The following CYRIA variants were observed in gnomAD, a reference collection of about 807,000 sequenced individuals.
The protein encoded by CYRIA is CYFIP related Rac1 interactor A.
In CYRIA, 15 loss-of-function variants were observed where a neutral mutation model predicts 43.9. The ratio of observed to expected loss-of-function variants is 0.34; its 90% CI spans 0.23 to 0.53. The LOEUF (loss-of-function observed/expected upper bound fraction) is 0.53. CYRIA is among the 20% of genes least tolerant of loss of function. The pLI, the probability that CYRIA is intolerant of heterozygous loss-of-function variation, is 0.94. For synonymous variants in CYRIA, 117 were observed against 136.0 expected (o/e 0.86, Z 0.97); for missense variants, 236 against 394.2 (o/e 0.60, Z 3.40).
intron 1 of CYRIA, among the ~76,000 whole-genome samples, chr2:16,655,743 A>G (rs986621231): frequency 4.6e-5 from 7 of 151,254 alleles, no homozygotes; most frequent in Admixed American, 4.6e-4. Flanking sequence ...TCCCCAACTG[A>G]CTATTACATA....
Position 16,650,612 on chromosome 2 carries a change from C to T in CYRIA, c.-167+15168G>A, listed in dbSNP as rs531507367. ...CTCCACAAAGCAACCCTAAACATCT[C>T]AGAGAGACTGGATGCTCCTCTCTGG... On this transcript the variant is annotated intron_variant, in intron 1 of 11. Coordinates refer to ENST00000381323, the MANE Select transcript of CYRIA (RefSeq NM_030797.4). The surrounding 1 kb of genome is among the most constrained non-coding windows in gnomAD (Gnocchi z 4.1). Among the ~76,000 whole-genome samples the T allele has an allele frequency of 9.2e-5, 14 of 152,214 alleles. No individual in the cohort carries two copies. Among genetic ancestry groups the T allele is most frequent in the Non-Finnish European group, 1.5e-4 (10 of 68,042 alleles).
chr2:16,591,920 C>T (rs866337845), intron 2 of CYRIA, among the ~76,000 whole-genome samples: 1 of 151,998 alleles, frequency 6.6e-6, no homozygotes, highest in Non-Finnish European at 1.5e-5. Context: ...ACAATGACTC[C>T]CTTGGCATCT....
intron 1 of CYRIA, among the ~76,000 whole-genome samples, chr2:16,629,802 T>C (rs1558434609): frequency 6.6e-6 from 1 of 152,240 alleles, no homozygotes; most frequent in Admixed American, 6.5e-5. Flanking sequence ...GGAATGCACT[T>C]ATCTTCTTAC....
At chr2:16,600,363 A>AT (rs1489113832) in intron 2 of CYRIA, among the ~76,000 whole-genome samples, 12 of 152,208 alleles carry the variant, frequency 7.9e-5, no homozygotes, top group East Asian at 3.8e-4. Context: ...CGAAAAGGCA[A>AT]TCTGATAACA....
intron 1 of CYRIA, among the ~76,000 whole-genome samples, chr2:16,664,819 C>T (rs1433681062): frequency 6.6e-6 from 1 of 152,148 alleles, no homozygotes; most frequent in East Asian, 1.9e-4. Context: ...AACTCCAGCC[C>T]CATGACCCTG....
chr2:16,598,378 G>A (rs1668084307), intron 2 of CYRIA, among the ~76,000 whole-genome samples: 1 of 88,516 alleles, frequency 1.1e-5, no homozygotes, highest in East Asian at 2.5e-4. Context: ...CCAATCAGAC[G>A]TAGATTTGGT....
In CYRIA at chr2:16,564,208, A is replaced by G. The variant is rs1666847583; in HGVS notation, c.193-114T>C. The G allele has an allele frequency of 4.3e-6, 3 of 692,908 alleles. No homozygotes were observed. In the South Asian group the frequency reaches 6.0e-5, roughly 14 times the overall value. The allele number at this position is 692,908 out of a possible 1,614,324, so 42.9% of individuals were successfully genotyped here. A position where few individuals can be genotyped will look rare whatever the true frequency, so the allele number is the denominator to read the frequency against. ...TTGCTATACTTTGCTGATGTATACT[A>G]CTTAAATCAACACCGGTTCATCGGA... is the stretch of plus-strand genomic sequence containing the variant. On this transcript the variant is annotated intron_variant, in intron 4 of 11. Coordinates refer to ENST00000381323, the MANE Select transcript of CYRIA (RefSeq NM_030797.4).
At chr2:16,579,113 AGT>A (rs1190801932) in intron 3 of CYRIA, among the ~76,000 whole-genome samples, 3 of 152,210 alleles carry the variant, frequency 2.0e-5, no homozygotes, top group African/African-American at 4.8e-5. Flanking sequence ...ACTTCTTTCA[AGT>A]GCTTTAAGAA....
intron 2 of CYRIA, among the ~76,000 whole-genome samples, chr2:16,602,364 AT>A (rs200880691): frequency 4.5e-4 from 67 of 149,316 alleles, no homozygotes; most frequent in African/African-American, 1.0e-3. Context: ...GACTCATCCA[AT>A]TTTTTTTTTG....
chr2:16,576,630 T>A (rs28695371), intron 3 of CYRIA, among the ~76,000 whole-genome samples: 1 of 152,140 alleles, frequency 6.6e-6, no homozygotes, highest in South Asian at 2.1e-4. Flanking sequence ...TATTGCATTA[T>A]TGATGTTGGT....
chr2:16,622,332 G>T (rs764832089), intron 2 of CYRIA, among the ~76,000 whole-genome samples: 1 of 152,172 alleles, frequency 6.6e-6, no homozygotes, highest in Non-Finnish European at 1.5e-5. Context: ...GCTAAAGTCC[G>T]GGTGAGAAAA....
intron 1 of CYRIA, among the ~76,000 whole-genome samples, chr2:16,653,640 CA>C (rs1369356928): frequency 6.6e-6 from 1 of 152,142 alleles, no homozygotes; most frequent in East Asian, 1.9e-4. Flanking sequence ...GCTGAATCCC[CA>C]GAAACAGACC....
chr2:16,568,703 GAGA>G (rs991316766), intron 3 of CYRIA, among the ~76,000 whole-genome samples: 10 of 152,118 alleles, frequency 6.6e-5, no homozygotes, highest in South Asian at 2.1e-4. Context: ...TATGTATTTG[GAGA>G]AGAAGAAAAG....
At chr2:16,646,871 G>A (rs1230742432) in intron 1 of CYRIA, among the ~76,000 whole-genome samples, 1 of 152,146 alleles carries the variant, frequency 6.6e-6, no homozygotes, top group Non-Finnish European at 1.5e-5. Flanking sequence ...GCTAGAAGAT[G>A]AGTCCTCTCC....
At chr2:16,648,410 T>C (rs937693113) in intron 1 of CYRIA, among the ~76,000 whole-genome samples, 5 of 152,046 alleles carry the variant, frequency 3.3e-5, no homozygotes, top group African/African-American at 1.2e-4. Flanking sequence ...AAAAGCACTA[T>C]GTCAATACTG....
intron 1 of CYRIA, among the ~76,000 whole-genome samples, chr2:16,665,271 A>C (rs1182097102): frequency 6.6e-6 from 1 of 152,032 alleles, no homozygotes; most frequent in Non-Finnish European, 1.5e-5. Context: ...GCTGGGTCCT[A>C]GGCACAGCAG....
chr2:16,593,767 G>A (rs1463624962), intron 2 of CYRIA, among the ~76,000 whole-genome samples: 1 of 121,892 alleles, frequency 8.2e-6, no homozygotes, highest in African/African-American at 3.2e-5. Flanking sequence ...GGGTACATGT[G>A]CACATTGTGC....
chr2:16,605,150 T>C (rs1668353453), intron 2 of CYRIA, among the ~76,000 whole-genome samples: 1 of 152,150 alleles, frequency 6.6e-6, no homozygotes, highest in African/African-American at 2.4e-5. Context: ...CACGAAACCA[T>C]TATGGAATTG....
intron 2 of CYRIA, among the ~76,000 whole-genome samples, chr2:16,592,139 A>C (rs941062074): frequency 6.6e-6 from 1 of 152,166 alleles, no homozygotes; most frequent in African/African-American, 2.4e-5. Context: ...GAGCACTGAC[A>C]TGACACTCAA....
Sources: allele counts gnomAD v4.1 joint callset (sites outside exome capture counted in the v4.1 genomes callset), GRCh38; gene constraint gnomAD v4.1.1; non-coding constraint Gnocchi (gnomAD v3.1); transcripts MANE v1.5; gene names NCBI Gene and HGNC (gene_info 2026-07-23, HGNC 2026-07-21).